Variants in WDR33 observed in about 807,000 individuals in gnomAD.
WDR33 encodes the protein WD repeat domain 33.
A neutral mutation model predicts 164.9 loss-of-function variants in WDR33; 47 were observed. The observed-to-expected ratio is 0.29, with a 90% confidence interval of 0.23 to 0.36. The LOEUF (loss-of-function observed/expected upper bound fraction) is 0.36, where lower values mean the gene tolerates loss of function less well. Among genes scored for constraint, WDR33 ranks in the 10% least tolerant of loss-of-function variants. The pLI is 1.00. For synonymous variants in WDR33, 505 were observed against 589.0 expected, an observed-to-expected ratio of 0.86 and a Z score of 2.06; for missense variants, 1,137 against 1,754.1, an observed-to-expected ratio of 0.65 and a Z score of 6.28.
chr2:127,751,319 C>T (rs954055498), intron 7 of WDR33, among the ~76,000 whole-genome samples: 5 of 150,916 alleles, frequency 3.3e-5, no homozygotes, highest in African/African-American at 1.2e-4. Context: ...CAAGATCATG[C>T]CACTGCACTC....
intron 7 of WDR33, among the ~76,000 whole-genome samples, chr2:127,752,434 C>T (rs1003341473): frequency 2.6e-5 from 4 of 151,194 alleles, no homozygotes; most frequent in African/African-American, 9.7e-5. Flanking sequence ...ACTAAAAATA[C>T]AAAAAATTAG....
Position 127,713,702 on chromosome 2 carries a change from C to T in WDR33, c.3189G>A (p.Glu1063=). Residue 1063 remains glutamate, a synonymous_variant, in exon 18 of 22, where the codon GAG becomes GAA. Transcript: ENST00000322313. The surrounding 1 kb of genome is among the most constrained non-coding windows in gnomAD (Gnocchi z 6.2). ...CTCGGGCTGCACCCCGGCCATCCCC[C>T]TCGCTGAATTCCCTGTGATCAGGGG... is the stretch of plus-strand genomic sequence containing the variant. The part of the protein sequence containing the change: ...PFPPDHREFS[E]GDGRGAARGP... The T allele has an allele frequency of 1.2e-6, 2 of 1,614,246 alleles. No homozygotes were observed. The highest frequency in any genetic ancestry group is 4.5e-5 in the East Asian group (2 of 44,892).
In WDR33 at chr2:127,726,599, A is replaced by G; in HGVS notation, c.851+52T>C. On this transcript the variant is annotated intron_variant, in intron 8 of 21. Transcript: ENST00000322313. The surrounding 1 kb of genome is among the most constrained non-coding windows in gnomAD (Gnocchi z 4.8). ...AACAAAGCTAAAAGTTAAAGGACACACTGCTTTGCTCCCCTTTGTTCAGGG... is the reference window on the plus strand; with the variant it reads ...AACAAAGCTAAAAGTTAAAGGACACGCTGCTTTGCTCCCCTTTGTTCAGGG... 6.3e-7 allele frequency: 1 copy of G among 1,594,452 alleles called. No homozygotes were observed. The highest frequency in any genetic ancestry group is 2.2e-5 in the East Asian group (1 of 44,758).
intron 1 of WDR33, among the ~76,000 whole-genome samples, chr2:127,788,545 G>A (rs1291262994): frequency 5.6e-5 from 7 of 126,054 alleles, no homozygotes; most frequent in African/African-American, 9.7e-5. Context: ...TCTCCCTCCC[G>A]GACGGGGTGG....
In WDR33 at chr2:127,716,424, G is replaced by A. The variant is rs151176069; in HGVS notation, c.2869+731C>T. On this transcript the variant is annotated intron_variant, in intron 17 of 21. Coordinates refer to ENST00000322313, the MANE Select transcript of WDR33 (RefSeq NM_018383.5). The surrounding 1 kb of genome is among the most constrained non-coding windows in gnomAD (Gnocchi z 4.5). ...TCTCCCCGTTATGAAAGTGTGTGTC[G>A]AACATAACACAGTGTTTCCTCTCAC... 1.3e-4 allele frequency among the ~76,000 whole-genome samples: 20 copies of A among 152,150 alleles called. No individual in the cohort carries two copies. The highest frequency in any genetic ancestry group is 3.9e-4 in the African/African-American group (16 of 41,496).
rs188609575 is a variant in WDR33, at chr2:127,773,122, C to T, written c.-23-2118G>A. On this transcript the variant is annotated intron_variant, in intron 1 of 21. Coordinates refer to ENST00000322313, the MANE Select transcript of WDR33 (RefSeq NM_018383.5). ...CTGCACTCCAACCTGGGTGACAGAA[C>T]AAGACCCTGTCTCCAAAAATAAAAT... 1.6e-4 allele frequency among the ~76,000 whole-genome samples: 24 copies of T among 152,184 alleles called. No individual in the cohort carries two copies. In the East Asian group the frequency reaches 4.6e-3, roughly 29 times the overall value.
intron 1 of WDR33, among the ~76,000 whole-genome samples, chr2:127,785,662 T>A (rs1026604174): frequency 2.6e-5 from 4 of 152,170 alleles, no homozygotes; most frequent in Non-Finnish European, 4.4e-5. Flanking sequence ...TTTTTTTTGT[T>A]TTTACTACTA....
chr2:127,794,520 A>G (rs2105485450), intron 1 of WDR33, among the ~76,000 whole-genome samples: 1 of 148,510 alleles, frequency 6.7e-6, no homozygotes, highest in East Asian at 2.0e-4. Context: ...AAAGGATAGG[A>G]AAAGAAAAGA....
rs564533144 is a variant in WDR33, at chr2:127,719,178, G to A, written c.2760+87C>T. On this transcript the variant is annotated intron_variant, in intron 16 of 21. Transcript: ENST00000322313. This position sits in a 1 kb window ranked among gnomAD's most constrained non-coding sequence, Gnocchi z 6.5. Reference sequence around the variant, plus strand: ...ACTTGATAAGTATTTATATCCAGCTGTGACCATTTTCCACAATACTCAGCA... The same window carrying A: ...ACTTGATAAGTATTTATATCCAGCTATGACCATTTTCCACAATACTCAGCA... The A allele has an allele frequency of 9.9e-6, 13 of 1,314,118 alleles. No individual in the cohort carries two copies. In the African/African-American group the frequency reaches 1.9e-4, roughly 20 times the overall value. 81.4% of individuals were successfully genotyped at this position (1,314,118 alleles called of 1,614,324 possible). A position where few individuals can be genotyped will look rare whatever the true frequency, so the allele number is the denominator to read the frequency against.
At chr2:127,781,342 AT>A (rs1688361627) in intron 1 of WDR33, among the ~76,000 whole-genome samples, 1 of 152,198 alleles carries the variant, frequency 6.6e-6, no homozygotes, top group African/African-American at 2.4e-5. Context: ...GGGTGTGGTT[AT>A]AAAAAAGGTA....
intron 1 of WDR33, among the ~76,000 whole-genome samples, chr2:127,778,681 G>C (rs1688269226): frequency 6.6e-6 from 1 of 152,174 alleles, no homozygotes; most frequent in South Asian, 2.1e-4. Flanking sequence ...GCACCAATCA[G>C]CCTTAAGAAG....
At chr2:127,801,114 AAAAAG>A (rs1479825710) in intron 1 of WDR33, among the ~76,000 whole-genome samples, 13 of 151,468 alleles carry the variant, frequency 8.6e-5, no homozygotes, top group Non-Finnish European at 1.2e-4. Context: ...GAAAAAAAAA[AAAAAG>A]AAAAGAAAAA....
intron 1 of WDR33, among the ~76,000 whole-genome samples, chr2:127,793,115 T>G (rs1479511065): frequency 6.6e-6 from 1 of 152,168 alleles, no homozygotes; most frequent in African/African-American, 2.4e-5. Flanking sequence ...ACAGGTAATA[T>G]CTAATGATTT....
chr2:127,729,230 A>G (rs1057483325), intron 7 of WDR33, among the ~76,000 whole-genome samples: 1 of 152,260 alleles, frequency 6.6e-6, no homozygotes, highest in Non-Finnish European at 1.5e-5. Context: ...TGAAGACTGT[A>G]AAGCGCAGAC....
At chr2:127,743,296 TAATA>T (rs1225518548) in intron 7 of WDR33, among the ~76,000 whole-genome samples, 2 of 152,284 alleles carry the variant, frequency 1.3e-5, no homozygotes, top group African/African-American at 4.8e-5. Flanking sequence ...GGAAAGGTAA[TAATA>T]AATTGCAAGA....
At chr2:127,730,901 T>G (rs72968945) in intron 7 of WDR33, among the ~76,000 whole-genome samples, 3,211 of 152,038 alleles carry the variant, frequency 0.021, 35 homozygotes, top group East Asian at 0.03. Flanking sequence ...TCTCGATTTT[T>G]TTTGTTTGTT....
chr2:127,794,780 G>A (rs1320673721), intron 1 of WDR33, among the ~76,000 whole-genome samples: 1 of 146,014 alleles, frequency 6.8e-6, no homozygotes, highest in African/African-American at 2.6e-5. Flanking sequence ...GTTGCAGTGA[G>A]CCGAGATCAT....
At chr2:127,806,177 T>C (rs1020342775) in intron 1 of WDR33, among the ~76,000 whole-genome samples, 4 of 150,918 alleles carry the variant, frequency 2.7e-5, no homozygotes, top group African/African-American at 7.3e-5. Context: ...ATGCTTACAG[T>C]GGCTCATCAT....
At chr2:127,762,240 TACA>T (rs1386915359) in intron 7 of WDR33, among the ~76,000 whole-genome samples, 5 of 152,170 alleles carry the variant, frequency 3.3e-5, no homozygotes, top group Non-Finnish European at 7.4e-5. Flanking sequence ...TGTTAAACAG[TACA>T]TTCAAAAGGT....
Sources: allele counts gnomAD v4.1 joint callset (sites outside exome capture counted in the v4.1 genomes callset), GRCh38; gene constraint gnomAD v4.1.1; non-coding constraint Gnocchi (gnomAD v3.1); transcripts MANE v1.5; gene names NCBI Gene and HGNC (gene_info 2026-07-23, HGNC 2026-07-21).